BBOX1: variants seen among roughly 807,000 people sequenced by gnomAD.
BBOX1 encodes the protein gamma-butyrobetaine dioxygenase.
Under a neutral mutation model 41.6 loss-of-function variants are expected in BBOX1, and 35 were observed. The ratio of observed to expected loss-of-function variants is 0.84; its 90% CI spans 0.64 to 1.11. The LOEUF (loss-of-function observed/expected upper bound fraction) is 1.11, where lower values mean the gene tolerates loss of function less well. BBOX1 is among the 50% of genes most tolerant of loss of function. The pLI is 0.00. For missense variants in BBOX1, 458 were observed against 460.6 expected (o/e 0.99, Z 0.05); for synonymous variants, 163 against 154.7 (o/e 1.05, Z -0.40).
At chr11:27,090,681 A>G (rs1260242449) in intron 4 of BBOX1, among the ~76,000 whole-genome samples, 1 of 151,800 alleles carries the variant, frequency 6.6e-6, no homozygotes, top group Non-Finnish European at 1.5e-5. Flanking sequence ...TCTGACCACA[A>G]ATTTACCAGG....
chr11:27,104,822 C>A (rs1858803485), intron 5 of BBOX1, among the ~76,000 whole-genome samples: 1 of 152,146 alleles, frequency 6.6e-6, no homozygotes, highest in East Asian at 1.9e-4. Context: ...CCTGAGTAGC[C>A]TAACTGGGAG....
At chr11:27,090,477 T>C (rs1439741018) in intron 4 of BBOX1, among the ~76,000 whole-genome samples, 1 of 151,652 alleles carries the variant, frequency 6.6e-6, no homozygotes, top group Non-Finnish European at 1.5e-5. Flanking sequence ...CTAGTAAGGG[T>C]CTAACAAAGA....
chr11:27,119,945 G>C (rs1303347036), intron 7 of BBOX1, 100 bp downstream of exon 7: 1 of 675,340 alleles, frequency 1.5e-6, no homozygotes, highest in Non-Finnish European at 2.2e-6. Flanking sequence ...ACGAACTTCA[G>C]AGCTTTATTT....
intron 2 of BBOX1, among the ~76,000 whole-genome samples, chr11:27,047,034 C>T (rs891670017): frequency 2.0e-5 from 3 of 151,904 alleles, no homozygotes; most frequent in South Asian, 2.1e-4. Context: ...TTACCTTTCA[C>T]GTTTATCATA....
intron 5 of BBOX1, among the ~76,000 whole-genome samples, chr11:27,098,861 C>T (rs1420285467): frequency 1.5e-5 from 2 of 137,140 alleles, no homozygotes; most frequent in African/African-American, 6.5e-5. Context: ...ATTAACTATC[C>T]TGCTTGTAAC....
chr11:27,042,904 T>C (rs1324227074), intron 2 of BBOX1, among the ~76,000 whole-genome samples: 2 of 152,126 alleles, frequency 1.3e-5, no homozygotes, highest in African/African-American at 2.4e-5. Flanking sequence ...GATTTTGTTA[T>C]TTAAAGGTTA....
rs1236992975 is a variant in BBOX1, at chr11:27,119,695, C to G, written c.686C>G (p.Ser229Ter). The change falls in exon 7 of 9, where the codon TCA becomes TGA. Residue 229 changes from serine to a stop codon, truncating the protein, a stop_gained. Transcript: ENST00000263182. LOFTEE classifies it high-confidence loss of function. The part of the protein sequence containing the change: ...CIKQTVTGGD[S>*]EIVDGFNVCQ... ...AAGCAAACAGTCACAGGGGGTGATT[C>G]AGAAATTGTAGATGGGTTTAATGTG... 6.4e-7 allele frequency: 1 copy of G among 1,568,404 alleles called. No individual in the cohort carries two copies. Among genetic ancestry groups the G allele is most frequent in the Non-Finnish European group, 8.6e-7 (1 of 1,160,516 alleles).
chr11:27,114,960 G>A (rs11029840), intron 5 of BBOX1, among the ~76,000 whole-genome samples: 4 of 151,610 alleles, frequency 2.6e-5, no homozygotes, highest in African/African-American at 9.7e-5. Context: ...CCAAGGTCTT[G>A]GAGAAGGGTA....
At chr11:27,119,430 C>T (rs1859383594) in intron 6 of BBOX1, among the ~76,000 whole-genome samples, 4 of 151,676 alleles carry the variant, frequency 2.6e-5, no homozygotes, top group Admixed American at 2.6e-4. Context: ...TGATTATAAG[C>T]AACTTTTTTC....
Position 27,057,064 on chromosome 11 carries a change from TAAAAAA to T in BBOX1, c.220-121_220-116del, listed in dbSNP as rs60041119. ...CTGGCAACAGAGGAAGACTCCGACT[TAAAAAA>T]AAAAAAAAAAAAAAATTAAGCAAAG... On this transcript the variant is annotated intron_variant, in intron 3 of 8. Coordinates refer to ENST00000263182, the MANE Select transcript of BBOX1 (RefSeq NM_003986.3). The T allele has an allele frequency of 7.9e-3, 1,190 of 150,926 alleles. 1 individual carries two copies. The highest frequency in any genetic ancestry group is 0.023 in the Middle Eastern group (10 of 438). 9.3% of individuals were successfully genotyped at this position (150,926 alleles called of 1,614,324 possible). A position where few individuals can be genotyped will look rare whatever the true frequency, so the allele number is the denominator to read the frequency against.
chr11:27,086,439 C>T (rs1195251154), intron 4 of BBOX1, among the ~76,000 whole-genome samples: 2 of 152,070 alleles, frequency 1.3e-5, no homozygotes, highest in Non-Finnish European at 2.9e-5. Context: ...AATGGAAAAA[C>T]AAAACCTGGA....
intron 5 of BBOX1, among the ~76,000 whole-genome samples, chr11:27,113,808 TA>T (rs574427704): frequency 2.7e-3 from 359 of 133,836 alleles, no homozygotes; most frequent in Middle Eastern, 7.2e-3. Context: ...AACCTAAAAG[TA>T]AAAAAAAAAA....
At chr11:27,118,929 A>C (rs1000207289) in intron 6 of BBOX1, among the ~76,000 whole-genome samples, 9 of 151,020 alleles carry the variant, frequency 6.0e-5, no homozygotes, top group African/African-American at 2.2e-4. Flanking sequence ...TTCCTCAAAA[A>C]AAAAAAAAAA....
intron 5 of BBOX1, among the ~76,000 whole-genome samples, chr11:27,107,381 T>C (rs1377081875): frequency 6.6e-6 from 1 of 151,918 alleles, no homozygotes; most frequent in Non-Finnish European, 1.5e-5. Flanking sequence ...ATGACACAAA[T>C]GGCTCAGTGG....
At chr11:27,064,782 G>A (rs1338397050) in intron 4 of BBOX1, among the ~76,000 whole-genome samples, 1 of 152,058 alleles carries the variant, frequency 6.6e-6, no homozygotes, top group Admixed American at 6.5e-5. Context: ...GGGCAGAGAT[G>A]AAATCATAGG....
chr11:27,117,346 T>G (rs1241276693), intron 6 of BBOX1, among the ~76,000 whole-genome samples: 1 of 152,042 alleles, frequency 6.6e-6, no homozygotes, highest in African/African-American at 2.4e-5. Flanking sequence ...GCTAGTCTAG[T>G]ATTTAACTTT....
chr11:27,081,428 G>A (rs1857832544), intron 4 of BBOX1, among the ~76,000 whole-genome samples: 2 of 152,046 alleles, frequency 1.3e-5, no homozygotes, highest in African/African-American at 4.8e-5. Flanking sequence ...GTGCATATGT[G>A]CCACATTTTC....
At chr11:27,052,685 C>G (rs1229993845) in intron 2 of BBOX1, among the ~76,000 whole-genome samples, 1 of 152,034 alleles carries the variant, frequency 6.6e-6, no homozygotes, top group Non-Finnish European at 1.5e-5. Context: ...TATCTGTACC[C>G]AGATGAGCTA....
chr11:27,111,406 T>C (rs1039222503), intron 5 of BBOX1, among the ~76,000 whole-genome samples: 2 of 151,958 alleles, frequency 1.3e-5, no homozygotes, highest in African/African-American at 4.8e-5. Context: ...ATGCTCAGTA[T>C]CTGGGGATGG....
Sources: gnomAD v4.1 joint callset for allele counts (sites outside exome capture counted in the v4.1 genomes callset) on GRCh38, gnomAD v4.1.1 for gene constraint, MANE v1.5 for transcripts, NCBI Gene and HGNC (gene_info 2026-07-23, HGNC 2026-07-21) for gene names.